RBM27: variants seen among roughly 807,000 people sequenced by gnomAD.
RBM27 encodes the protein RNA-binding protein 27.
In RBM27, 22 loss-of-function variants were observed where a neutral mutation model predicts 135.3. The ratio of observed to expected loss-of-function variants is 0.16; its 90% CI spans 0.12 to 0.23. The LOEUF (loss-of-function observed/expected upper bound fraction) is 0.23, where lower values mean the gene tolerates loss of function less well. Among genes scored for constraint, RBM27 ranks in the 10% least tolerant of loss-of-function variants. RBM27 has a pLI of 1.00. For synonymous variants in RBM27, 481 were observed against 442.4 expected, an observed-to-expected ratio of 1.09 and a Z score of -1.10; for missense variants, 1,009 against 1,281.0, an observed-to-expected ratio of 0.79 and a Z score of 3.24.
chr5:146,218,056 C>A (rs1170316006), intron 1 of RBM27, among the ~76,000 whole-genome samples: 1 of 152,096 alleles, frequency 6.6e-6, no homozygotes, highest in Non-Finnish European at 1.5e-5. Context: ...TTGCACCCAG[C>A]CTGAATGTTT....
chr5:146,278,726 ATT>A (rs576045126), intron 19 of RBM27, among the ~76,000 whole-genome samples: 2 of 142,524 alleles, frequency 1.4e-5, no homozygotes, highest in Admixed American at 7.0e-5. Flanking sequence ...TTTTTTCCCA[ATT>A]TTTTTTTTTT....
intron 12 of RBM27, 23 bp downstream of exon 12, chr5:146,260,921 C>T (rs1188078999): frequency 6.3e-7 from 1 of 1,592,902 alleles, no homozygotes. Flanking sequence ...ATGTCAGTGA[C>T]AGAATCCAGG....
intron 2 of RBM27, among the ~76,000 whole-genome samples, chr5:146,220,489 A>AAATATAT (rs1554078215): frequency 7.8e-4 from 82 of 104,922 alleles, no homozygotes; most frequent in African/African-American, 2.4e-3. Context: ...AAAAAAAAAA[A>AAATATAT]ATATATATAT....
chr5:146,253,950 A>T lies in RBM27; in HGVS notation c.1445-993A>T, dbSNP rs898701711. The stretch of plus-strand genomic sequence containing the variant: ...TAAATCATAGAAGTGACTGACGTGT[A>T]TGTGCGCGTGTGTGCTTTTTTATTT... On this transcript the variant is annotated intron_variant, in intron 9 of 20. Transcript: ENST00000265271. 4.6e-5 allele frequency among the ~76,000 whole-genome samples: 7 copies of T among 152,300 alleles called. 1 individual carries two copies. Among genetic ancestry groups the T allele is most frequent in the Admixed American group, 3.9e-4 (6 of 15,296 alleles).
At chr5:146,238,236 C>T (rs554975461) in intron 8 of RBM27, among the ~76,000 whole-genome samples, 11 of 152,216 alleles carry the variant, frequency 7.2e-5, no homozygotes, top group South Asian at 2.1e-4. Flanking sequence ...GGGCCAGGCG[C>T]GGTGGCTCAT....
Position 146,233,717 on chromosome 5 carries a change from C to T in RBM27, c.1118C>T (p.Pro373Leu). 6.8e-7 allele frequency: 1 copy of T among 1,462,492 alleles called. No homozygotes were observed. Among genetic ancestry groups the T allele is most frequent in the South Asian group, 1.6e-5 (1 of 64,350 alleles). The allele number at this position is 1,462,492 out of a possible 1,614,324, so 90.6% of individuals were successfully genotyped here. ...GTTCCCCAAGGACATGGTCAGCCTC[C>T]ACCATCCGTTGTGCTTCCCATACCA... ...LPVPQGHGQP[P>L]PSVVLPIPRP... is the part of the protein sequence containing the mutation. The change falls in exon 7 of 21, where the codon CCA (proline) becomes CTA (leucine). Residue 373 changes from proline to leucine, a missense_variant. Pro to Leu is a moderately conservative substitution (Grantham distance 98, BLOSUM62 -3). Coordinates refer to ENST00000265271, the MANE Select transcript of RBM27 (RefSeq NM_018989.2).
At chr5:146,283,955 C>T (rs1393145643) in intron 19 of RBM27, among the ~76,000 whole-genome samples, 1 of 152,042 alleles carries the variant, frequency 6.6e-6, no homozygotes, top group Non-Finnish European at 1.5e-5. Context: ...ACTTTGGATC[C>T]CTAGTCCCTT....
chr5:146,208,509 A>T (rs1280563941), intron 1 of RBM27, among the ~76,000 whole-genome samples: 1 of 151,862 alleles, frequency 6.6e-6, no homozygotes, highest in Non-Finnish European at 1.5e-5. Context: ...ATCTCAGTCG[A>T]GAAGTTTGTC....
At chr5:146,230,425 C>A (rs1236466764) in intron 5 of RBM27, among the ~76,000 whole-genome samples, 1 of 152,076 alleles carries the variant, frequency 6.6e-6, no homozygotes, top group Non-Finnish European at 1.5e-5. Flanking sequence ...TTAAGTGTAA[C>A]TGATGTTGAT....
chr5:146,209,555 A>G (rs1334488043), intron 1 of RBM27, among the ~76,000 whole-genome samples: 1 of 152,204 alleles, frequency 6.6e-6, no homozygotes, highest in East Asian at 1.9e-4. Flanking sequence ...GTTGAACTCT[A>G]GAGTTTACAT....
At chr5:146,245,209 G>A (rs910272084) in intron 8 of RBM27, 2 of 151,666 alleles carry the variant, frequency 1.3e-5, no homozygotes, top group Non-Finnish European at 2.9e-5. Context: ...CTTGTTGGGA[G>A]ACCAGAGAAC....
At chr5:146,214,652 TC>T (rs1378356266) in intron 1 of RBM27, among the ~76,000 whole-genome samples, 2 of 151,962 alleles carry the variant, frequency 1.3e-5, no homozygotes, top group Non-Finnish European at 2.9e-5. Context: ...GCACAAAACT[TC>T]CCAATGTATT....
At chr5:146,262,890 C>CTT (rs1156565843) in intron 13 of RBM27, among the ~76,000 whole-genome samples, 16 of 140,498 alleles carry the variant, frequency 1.1e-4, no homozygotes, top group South Asian at 2.3e-4. Flanking sequence ...TTCTTTTTTC[C>CTT]TTTTTTTTTT....
chr5:146,242,616 C>T (rs891191098), intron 8 of RBM27, among the ~76,000 whole-genome samples: 4 of 152,144 alleles, frequency 2.6e-5, no homozygotes, highest in Admixed American at 6.6e-5. Context: ...TTTTTTTAGA[C>T]GGAGTCTTAC....
At position 146,287,514 on chromosome 5, in the gene RBM27, G is replaced by C. The variant is rs1759632315; in HGVS notation, c.*1484G>C. The C allele has an allele frequency of 6.6e-6, 1 of 151,998 alleles. No individual in the cohort carries two copies. The highest frequency in any genetic ancestry group is 2.4e-5 in the African/African-American group (1 of 41,396). 9.4% of individuals were successfully genotyped at this position (151,998 alleles called of 1,614,324 possible). On this transcript the variant is annotated 3_prime_UTR_variant, in exon 21 of 21. Coordinates refer to ENST00000265271, the MANE Select transcript of RBM27 (RefSeq NM_018989.2). ...GTGGTATGAAAATTTGAAACCTCCT[G>C]TTGTCTCCAAAAGGGTCTTGGTGAC...
intron 8 of RBM27, among the ~76,000 whole-genome samples, chr5:146,240,690 T>C (rs773562591): frequency 5.3e-5 from 8 of 152,178 alleles, no homozygotes; most frequent in African/African-American, 1.2e-4. Flanking sequence ...CATATACTTA[T>C]ATATAGGCCT....
chr5:146,226,307 CAGT>C (rs1404471365), intron 3 of RBM27, among the ~76,000 whole-genome samples: 1 of 151,934 alleles, frequency 6.6e-6, no homozygotes, highest in Non-Finnish European at 1.5e-5. Context: ...CATTGAATCT[CAGT>C]GGTTTAGATG....
At chr5:146,236,645 A>G (rs1757171858) in intron 7 of RBM27, among the ~76,000 whole-genome samples, 1 of 152,030 alleles carries the variant, frequency 6.6e-6, no homozygotes, top group African/African-American at 2.4e-5. Flanking sequence ...TTTTTTTAAG[A>G]TGAAGTCTTT....
chr5:146,280,807 A>G (rs1414254299), intron 19 of RBM27, among the ~76,000 whole-genome samples: 1 of 152,076 alleles, frequency 6.6e-6, no homozygotes, highest in African/African-American at 2.4e-5. Flanking sequence ...TTCTTGTTTC[A>G]GCTTTTATAC....
Sources: allele counts gnomAD v4.1 joint callset (sites outside exome capture counted in the v4.1 genomes callset), GRCh38; gene constraint gnomAD v4.1.1; transcripts MANE v1.5; gene names NCBI Gene and HGNC (gene_info 2026-07-23, HGNC 2026-07-21).